The following DFFB variants were observed in gnomAD, a reference collection of about 807,000 sequenced individuals.
DFFB encodes DNA fragmentation factor 40 kDa subunit.
Under a neutral mutation model 32.7 loss-of-function variants are expected in DFFB, and 29 were observed. The observed-to-expected ratio is 0.89, with a 90% CI of 0.66 to 1.21. The LOEUF is 1.21. Ranked by LOEUF, DFFB falls within the 50% of genes most tolerant of loss-of-function variation. The pLI, the probability that DFFB is intolerant of heterozygous loss-of-function variation, is 0.00. For missense variants in DFFB, 398 were observed against 440.6 expected (o/e 0.90, Z 0.87); for synonymous variants, 170 against 177.1 (o/e 0.96, Z 0.32).
intron 6 of DFFB, among the ~76,000 whole-genome samples, chr1:3,874,693 C>T (rs551749587): frequency 1.3e-4 from 19 of 144,460 alleles, no homozygotes; most frequent in East Asian, 8.6e-4. Context: ...TTACCACACG[C>T]GTGTGAGTTT....
At chr1:3,882,373 C>CA (rs1557731409) in intron 6 of DFFB, among the ~76,000 whole-genome samples, 1 of 148,654 alleles carries the variant, frequency 6.7e-6, no homozygotes, top group Non-Finnish European at 1.5e-5. Context: ...TTTTTGTTTT[C>CA]TTTTTTTTTT....
intron 6 of DFFB, among the ~76,000 whole-genome samples, chr1:3,876,523 T>C (rs1480950511): frequency 1.3e-5 from 2 of 152,240 alleles, no homozygotes; most frequent in Non-Finnish European, 2.9e-5. Flanking sequence ...GCAGAGACAG[T>C]GGTCTGTTTG....
rs1441897347 is a variant in DFFB, at chr1:3,868,004, G to A, written c.461G>A (p.Gly154Asp). The A allele has an allele frequency of 1.1e-5, 17 of 1,614,006 alleles. No individual in the cohort carries two copies. Among genetic ancestry groups the A allele is most frequent in the Non-Finnish European group, 1.4e-5 (16 of 1,180,014 alleles). The change falls in exon 4 of 7, where the codon GGC becomes GAC. Residue 154 changes from glycine to aspartate, a missense_variant. Gly to Asp is a moderately conservative substitution (Grantham distance 94). Coordinates refer to ENST00000378209, the MANE Select transcript of DFFB (RefSeq NM_004402.4). ...GAGTCCCGATTTCAGAGCAAGTCTGGCTATCTGAGATACAGCTGTGAGAGC... is the reference window on the plus strand; with the variant it reads ...GAGTCCCGATTTCAGAGCAAGTCTGACTATCTGAGATACAGCTGTGAGAGC... ...GLESRFQSKS[G>D]YLRYSCESRI... is the part of the protein sequence containing the mutation.
intron 2 of DFFB, among the ~76,000 whole-genome samples, chr1:3,863,202 C>G (rs547399401): frequency 1.9e-4 from 29 of 152,198 alleles, no homozygotes; most frequent in Non-Finnish European, 3.4e-4. Flanking sequence ...AAAAGATAAC[C>G]CAATTAAACA....
At chr1:3,861,539 C>T (rs1186291582) in intron 2 of DFFB, among the ~76,000 whole-genome samples, 1 of 152,130 alleles carries the variant, frequency 6.6e-6, no homozygotes, top group East Asian at 1.9e-4. Context: ...AGCGATCCTC[C>T]TACCTCCGCC....
At chr1:3,861,379 C>G (rs116025333) in intron 2 of DFFB, among the ~76,000 whole-genome samples, 1,571 of 152,188 alleles carry the variant, frequency 0.01, 27 homozygotes, top group African/African-American at 0.036. Context: ...CAGTTTTTGA[C>G]TATTACAAAT....
intron 2 of DFFB, among the ~76,000 whole-genome samples, chr1:3,864,036 G>A (rs765155125): frequency 6.6e-6 from 1 of 151,924 alleles, no homozygotes; most frequent in Non-Finnish European, 1.5e-5. Context: ...GCGCGATCTC[G>A]GCTCACTGCA....
chr1:3,879,346 C>T (rs1239875147), intron 6 of DFFB, among the ~76,000 whole-genome samples: 6 of 152,160 alleles, frequency 3.9e-5, no homozygotes, highest in East Asian at 1.9e-4. Context: ...GCTGTGCCTG[C>T]GTCTGGGCTG....
At chr1:3,872,674 CCCTGCCACGGTGTT>C (rs1446611606) in intron 6 of DFFB, 102 bp downstream of exon 6, 25 of 1,050,676 alleles carry the variant, frequency 2.4e-5, no homozygotes, top group Non-Finnish European at 3.5e-5. Context: ...ACGGCCCTGT[CCCTGCCACGGTGTT>C]GCCTCCTTGG....
intron 4 of DFFB, 130 bp from the exon 5 acceptor site, chr1:3,869,475 T>C: frequency 1.0e-6 from 1 of 970,464 alleles, no homozygotes; most frequent in Non-Finnish European, 1.5e-6. Flanking sequence ...CCACGTGAAC[T>C]CAGACCCTCT....
chr1:3,865,528 G>A lies in DFFB; in HGVS notation c.242-284G>A, dbSNP rs781422049. ...AAAGTGGGGGGCGTATGGTTTGGAGGGGAGGAGGCCAAATGGGAAAGCGGC... is the reference window on the plus strand; with the variant it reads ...AAAGTGGGGGGCGTATGGTTTGGAGAGGAGGAGGCCAAATGGGAAAGCGGC... On this transcript the variant is annotated intron_variant, in intron 2 of 6. Coordinates refer to ENST00000378209, the MANE Select transcript of DFFB (RefSeq NM_004402.4). The surrounding 1 kb of genome is among the most constrained non-coding windows in gnomAD (Gnocchi z 4.7). 4 of 565,266 alleles carry A rather than the reference G, an allele frequency of 7.1e-6. No homozygotes were observed. The highest frequency in any genetic ancestry group is 9.6e-6 in the Non-Finnish European group (3 of 313,738). 35.0% of individuals were successfully genotyped at this position (565,266 alleles called of 1,614,324 possible). A position where few individuals can be genotyped will look rare whatever the true frequency, so the allele number is the denominator to read the frequency against.
intron 6 of DFFB, among the ~76,000 whole-genome samples, chr1:3,879,255 C>A (rs1438836321): frequency 6.6e-6 from 1 of 152,158 alleles, no homozygotes; most frequent in Non-Finnish European, 1.5e-5. Context: ...TGAGGTGTGG[C>A]TTCTCTTTGA....
In DFFB at chr1:3,883,590, T is replaced by C; in HGVS notation, c.866T>C (p.Phe289Ser). 6.2e-7 allele frequency: 1 copy of C among 1,614,186 alleles called. No individual in the cohort carries two copies. Among genetic ancestry groups the C allele is most frequent in the Non-Finnish European group, 8.5e-7 (1 of 1,180,038 alleles). ...GGAAGAGAAGTGGACTGGGAGTATT[T>C]TTATGGCCTGCTTTTTACCTCAGAG... ...QDGREVDWEY[F>S]YGLLFTSENL... The change falls in exon 7 of 7, where the codon TTT becomes TCT. Residue 289 changes from phenylalanine to serine, a missense_variant. Transcript: ENST00000378209.
At chr1:3,867,846 C>A in intron 3 of DFFB, 128 bp from the exon 4 acceptor site, 1 of 809,418 alleles carries the variant, frequency 1.2e-6, no homozygotes, top group Admixed American at 1.9e-5. Flanking sequence ...GAGCAAGACC[C>A]TGTCAAAAAG....
At chr1:3,877,821 T>C (rs923428227) in intron 6 of DFFB, among the ~76,000 whole-genome samples, 1 of 152,180 alleles carries the variant, frequency 6.6e-6, no homozygotes, top group Non-Finnish European at 1.5e-5. Context: ...ACTCAGCACC[T>C]CAGTTCCACT....
intron 6 of DFFB, among the ~76,000 whole-genome samples, chr1:3,877,528 C>T (rs1380869517): frequency 6.6e-6 from 1 of 151,840 alleles, no homozygotes; most frequent in Non-Finnish European, 1.5e-5. Context: ...CGGGGTTTCA[C>T]CATGTTGGCC....
intron 2 of DFFB, 56 bp downstream of exon 2, chr1:3,858,900 G>C: frequency 6.3e-7 from 1 of 1,596,600 alleles, no homozygotes; most frequent in Non-Finnish European, 8.5e-7. Context: ...CGAGGTCCTG[G>C]GGGCTTAGCT....
intron 4 of DFFB, 138 bp from the exon 5 acceptor site, chr1:3,869,467 A>G (rs1187373422): frequency 1.2e-5 from 10 of 865,930 alleles, no homozygotes; most frequent in Middle Eastern, 3.6e-4. Flanking sequence ...CCGAGAGGCC[A>G]CGTGAACTCA....
At chr1:3,867,688 A>G (rs1390215135) in intron 3 of DFFB, 1 of 350,062 alleles carries the variant, frequency 2.9e-6, no homozygotes, top group Non-Finnish European at 5.4e-6. Context: ...CCTCATCTCT[A>G]AAAACATTTA....
Sources: allele counts gnomAD v4.1 joint callset (sites outside exome capture counted in the v4.1 genomes callset), GRCh38; gene constraint gnomAD v4.1.1; non-coding constraint Gnocchi (gnomAD v3.1); transcripts MANE v1.5; gene names NCBI Gene and HGNC (gene_info 2026-07-23, HGNC 2026-07-21).